The following PPP2R5E variants were observed in gnomAD, a reference collection of about 807,000 sequenced individuals.
PPP2R5E encodes serine/threonine-protein phosphatase 2A 56 kDa regulatory subunit epsilon isoform.
A neutral mutation model predicts 65.3 loss-of-function variants in PPP2R5E; 4 were observed. The observed-to-expected ratio is 0.06, with a 90% CI of 0.03 to 0.14. PPP2R5E has a LOEUF of 0.14. Ranked by LOEUF, PPP2R5E falls within the 10% of genes least tolerant of loss-of-function variation. The probability of loss-of-function intolerance (pLI) is 1.00; values close to 1 mark genes in which losing one functional copy is unlikely to be tolerated. For synonymous variants in PPP2R5E, 183 were observed against 187.4 expected, an observed-to-expected ratio of 0.98 and a Z score of 0.19; for missense variants, 274 against 556.1, an observed-to-expected ratio of 0.49 and a Z score of 5.10.
At chr14:63,519,072 G>C (rs113008618) in intron 2 of PPP2R5E, among the ~76,000 whole-genome samples, 1 of 152,116 alleles carries the variant, frequency 6.6e-6, no homozygotes, top group Non-Finnish European at 1.5e-5. Flanking sequence ...AAATTAGCCA[G>C]GCGTGGTGGC....
chr14:63,461,468 C>T (rs928106507), intron 2 of PPP2R5E, among the ~76,000 whole-genome samples: 5 of 151,622 alleles, frequency 3.3e-5, no homozygotes, highest in African/African-American at 7.3e-5. Context: ...AGATAAAGAA[C>T]GATCATAGAA....
chr14:63,374,575 C>T lies in PPP2R5E; in HGVS notation c.*1434G>A, dbSNP rs1185458650. 6.8e-6 allele frequency: 1 copy of T among 146,092 alleles called. No individual in the cohort carries two copies. The highest frequency in any genetic ancestry group is 1.5e-5 in the Non-Finnish European group (1 of 67,358). 9.0% of individuals were successfully genotyped at this position (146,092 alleles called of 1,614,324 possible). Reference sequence around the variant, plus strand: ...ACATACTGTACACAAATTTTATCAGCAGTTTACCTACCCAAGATGTAAGAT... The same window carrying T: ...ACATACTGTACACAAATTTTATCAGTAGTTTACCTACCCAAGATGTAAGAT... On this transcript the variant is annotated 3_prime_UTR_variant, in exon 14 of 14. Coordinates refer to ENST00000337537, the MANE Select transcript of PPP2R5E (RefSeq NM_006246.5).
intron 2 of PPP2R5E, among the ~76,000 whole-genome samples, chr14:63,474,673 CAAAAAAAAAA>C (rs1157357885): frequency 2.2e-4 from 6 of 27,730 alleles, no homozygotes; most frequent in East Asian, 1.3e-3. Context: ...TACCCCATCT[CAAAAAAAAAA>C]AAAAAAAAAA....
chr14:63,445,700 A>T (rs1437971046), intron 3 of PPP2R5E, among the ~76,000 whole-genome samples: 2 of 152,022 alleles, frequency 1.3e-5, no homozygotes, highest in Non-Finnish European at 2.9e-5. Flanking sequence ...AAATTAGCTA[A>T]GCGTGGTGGT....
intron 3 of PPP2R5E, among the ~76,000 whole-genome samples, chr14:63,440,676 C>T (rs1367248635): frequency 6.6e-6 from 1 of 151,634 alleles, no homozygotes; most frequent in Non-Finnish European, 1.5e-5. Context: ...CAGTGGCTCA[C>T]GCCCGTAATC....
intron 5 of PPP2R5E, among the ~76,000 whole-genome samples, chr14:63,404,621 A>T (rs1269634378): frequency 6.6e-6 from 1 of 152,220 alleles, no homozygotes; most frequent in Non-Finnish European, 1.5e-5. Flanking sequence ...TGCGATCACA[A>T]GCTTCTGGCA....
chr14:63,414,777 T>C (rs1010247799), intron 5 of PPP2R5E, among the ~76,000 whole-genome samples: 1 of 152,214 alleles, frequency 6.6e-6, no homozygotes, highest in Non-Finnish European at 1.5e-5. Flanking sequence ...TTAACAGATC[T>C]ACACCACACT....
intron 13 of PPP2R5E, among the ~76,000 whole-genome samples, chr14:63,379,826 C>CTTTTTTTTTTT (rs558475440): frequency 3.0e-5 from 3 of 100,300 alleles, no homozygotes; most frequent in African/African-American, 1.6e-4. Context: ...TATTCTCTCT[C>CTTTTTTTTTTT]TTTTTTTTTT....
intron 2 of PPP2R5E, among the ~76,000 whole-genome samples, chr14:63,521,880 T>C (rs1892919366): frequency 6.6e-6 from 1 of 151,792 alleles, no homozygotes; most frequent in African/African-American, 2.4e-5. Context: ...TCCTGAAAAA[T>C]TAATTTGATG....
At chr14:63,446,113 A>C (rs1399848780) in intron 3 of PPP2R5E, among the ~76,000 whole-genome samples, 1 of 152,216 alleles carries the variant, frequency 6.6e-6, no homozygotes, top group Non-Finnish European at 1.5e-5. Context: ...CTCATCCATA[A>C]GAAGCAACTC....
intron 2 of PPP2R5E, among the ~76,000 whole-genome samples, chr14:63,502,200 T>C (rs953419258): frequency 1.3e-5 from 2 of 152,082 alleles, no homozygotes; most frequent in African/African-American, 4.8e-5. Flanking sequence ...CAGCTGGAAG[T>C]TGTTTTTTTA....
At chr14:63,447,841 T>C (rs1260621701) in intron 3 of PPP2R5E, among the ~76,000 whole-genome samples, 2 of 152,092 alleles carry the variant, frequency 1.3e-5, no homozygotes, top group Non-Finnish European at 2.9e-5. Context: ...GGGTTATTAA[T>C]TGGCCTAATT....
At chr14:63,494,433 C>T (rs1044044400) in intron 2 of PPP2R5E, among the ~76,000 whole-genome samples, 2 of 151,884 alleles carry the variant, frequency 1.3e-5, no homozygotes, top group Non-Finnish European at 2.9e-5. Context: ...CAGAGTCTTA[C>T]CAGGTTGGCC....
intron 2 of PPP2R5E, among the ~76,000 whole-genome samples, chr14:63,479,607 G>A (rs1342250575): frequency 2.0e-5 from 3 of 152,122 alleles, no homozygotes; most frequent in Non-Finnish European, 4.4e-5. Flanking sequence ...GGTAAGAAGT[G>A]GCTGCCTGTT....
intron 2 of PPP2R5E, among the ~76,000 whole-genome samples, 156 bp from the exon 3 acceptor site, chr14:63,454,041 C>T (rs1272747709): frequency 1.3e-5 from 2 of 152,186 alleles, no homozygotes; most frequent in Non-Finnish European, 2.9e-5. Context: ...GGAGGGGATA[C>T]CGTATCTACT....
intron 4 of PPP2R5E, among the ~76,000 whole-genome samples, chr14:63,417,288 G>T (rs562313880): frequency 6.6e-6 from 1 of 152,224 alleles, no homozygotes; most frequent in South Asian, 2.1e-4. Context: ...CAAGCTCAAG[G>T]TGACAGATGC....
intron 3 of PPP2R5E, among the ~76,000 whole-genome samples, chr14:63,448,627 A>G (rs1018987235): frequency 2.0e-5 from 3 of 151,894 alleles, no homozygotes; most frequent in Middle Eastern, 3.2e-3. Context: ...TGTCTCTACT[A>G]AAAATACAAA....
intron 2 of PPP2R5E, among the ~76,000 whole-genome samples, chr14:63,492,293 A>G (rs1891320974): frequency 6.6e-6 from 1 of 152,098 alleles, no homozygotes; most frequent in African/African-American, 2.4e-5. Flanking sequence ...TTTTATTCAA[A>G]AGGAGACTTA....
intron 13 of PPP2R5E, among the ~76,000 whole-genome samples, chr14:63,377,097 C>G (rs72714219): frequency 0.017 from 2,579 of 150,376 alleles, 40 homozygotes; most frequent in East Asian, 0.052. Context: ...TGCAGCGAGC[C>G]GAGATCACAC....
Sources: allele counts gnomAD v4.1 joint callset (sites outside exome capture counted in the v4.1 genomes callset), GRCh38; gene constraint gnomAD v4.1.1; transcripts MANE v1.5; gene names NCBI Gene and HGNC (gene_info 2026-07-23, HGNC 2026-07-21).